Variants in LNX1 observed in about 807,000 individuals in gnomAD.
LNX1 encodes the protein E3 ubiquitin-protein ligase LNX.
LNX1 carries 54 observed loss-of-function variants against 68.4 expected under a neutral mutation model. The observed-to-expected ratio is 0.79, with a 90% CI of 0.63 to 0.99. The LOEUF (loss-of-function observed/expected upper bound fraction) is 0.99, where lower values mean the gene tolerates loss of function less well. Ranked by LOEUF, LNX1 falls within the 50% of genes least tolerant of loss-of-function variation. The pLI is 0.00. For missense variants in LNX1, 906 were observed against 926.4 expected (o/e 0.98, Z 0.29); for synonymous variants, 336 against 350.0 (o/e 0.96, Z 0.45).
intron 2 of LNX1, among the ~76,000 whole-genome samples, chr4:53,552,734 C>G (rs1729600399): frequency 6.8e-6 from 1 of 147,266 alleles, no homozygotes; most frequent in South Asian, 2.1e-4. Context: ...GAGGCTGAGA[C>G]AGGAGAATTG....
rs541174106 is a variant in LNX1 at position 53,553,562 on chromosome 4, C to T, written c.380+20061G>A. The stretch of plus-strand genomic sequence containing the variant: ...ATATAGGGCCAGAAAGATGAGAAGG[C>T]TGTTTCCATGCTCATGCCCATGATG... On this transcript the variant is annotated intron_variant, in intron 2 of 10. Transcript: ENST00000263925. Among the ~76,000 whole-genome samples the T allele has an allele frequency of 3.9e-5, 6 of 152,316 alleles. No homozygotes were observed. In the South Asian group the frequency reaches 1.2e-3, roughly 32 times the overall value.
chr4:53,643,888 A>T (rs1229111361), intron 1 of LNX1, among the ~76,000 whole-genome samples: 4 of 152,164 alleles, frequency 2.6e-5, no homozygotes, highest in African/African-American at 9.7e-5. Context: ...AGTGACAGTG[A>T]TTATTATTAT....
intron 6 of LNX1, among the ~76,000 whole-genome samples, chr4:53,493,037 T>G (rs1724812197): frequency 6.6e-6 from 1 of 152,116 alleles, no homozygotes; most frequent in Non-Finnish European, 1.5e-5. Context: ...TGGTGCGATC[T>G]TGGCTCACTG....
chr4:53,562,596 G>A (rs1178290179), intron 2 of LNX1, among the ~76,000 whole-genome samples: 1 of 152,194 alleles, frequency 6.6e-6, no homozygotes, highest in South Asian at 2.1e-4. Context: ...ACAGGCACCA[G>A]CTGTTTAAAG....
chr4:53,519,642 G>A (rs1258472994), intron 2 of LNX1, among the ~76,000 whole-genome samples: 1 of 99,358 alleles, frequency 1.0e-5, no homozygotes, highest in Admixed American at 1.2e-4. Flanking sequence ...TTTAAGCCCT[G>A]TGTCTGTCAA....
chr4:53,640,691 G>C (rs1349080536), intron 1 of LNX1, among the ~76,000 whole-genome samples: 1 of 152,188 alleles, frequency 6.6e-6, no homozygotes, highest in African/African-American at 2.4e-5. Flanking sequence ...AATTAAGACT[G>C]TGTTGTTATA....
intron 1 of LNX1, among the ~76,000 whole-genome samples, chr4:53,626,650 C>G (rs1202628784): frequency 6.6e-6 from 1 of 152,172 alleles, no homozygotes; most frequent in Non-Finnish European, 1.5e-5. Flanking sequence ...AAAGTTACAT[C>G]TCTTCTCATT....
intron 2 of LNX1, among the ~76,000 whole-genome samples, chr4:53,527,067 A>C (rs1277339264): frequency 6.6e-6 from 1 of 151,398 alleles, no homozygotes; most frequent in African/African-American, 2.4e-5. Flanking sequence ...AAAAAAAAAA[A>C]AAAAACTAGA....
chr4:53,474,715 C>A (rs1016044899), intron 9 of LNX1, among the ~76,000 whole-genome samples: 1 of 152,176 alleles, frequency 6.6e-6, no homozygotes, highest in Non-Finnish European at 1.5e-5. Context: ...GCCGGGATAT[C>A]ATGCTTCCTT....
intron 1 of LNX1, among the ~76,000 whole-genome samples, chr4:53,588,353 T>C (rs1283235031): frequency 6.6e-6 from 1 of 152,128 alleles, no homozygotes; most frequent in African/African-American, 2.4e-5. Flanking sequence ...TCCAAGCACT[T>C]TACACATTTC....
At chr4:53,568,453 A>C (rs559117624) in intron 2 of LNX1, among the ~76,000 whole-genome samples, 2 of 152,342 alleles carry the variant, frequency 1.3e-5, no homozygotes, top group East Asian at 3.9e-4. Flanking sequence ...ACAACCTTTC[A>C]TGCTAAAAAC....
chr4:53,490,902 A>G (rs529390482), intron 6 of LNX1, among the ~76,000 whole-genome samples: 1 of 152,232 alleles, frequency 6.6e-6, no homozygotes, highest in Non-Finnish European at 1.5e-5. Flanking sequence ...TTCTTTTTCA[A>G]CTAGCTTTGC....
In LNX1 at chr4:53,573,978, C is replaced by T. The variant is rs116744860; in HGVS notation, c.25G>A (p.Asp9Asn). 1.1e-3 allele frequency: 1,813 copies of T among 1,612,510 alleles called. 12 individuals carry two copies. In the African/African-American group the frequency reaches 0.021, roughly 18 times the overall value. Reference protein sequence around the residue: MNQPESANDPEPLCAVCGQ... With the variant: MNQPESANNPEPLCAVCGQ... ...CACACTGCACACAGGGGTTCAGGAT[C>T]GTTGGCAGACTCTGGCTGGTTCATG... Residue 9 changes from aspartate to asparagine, a missense_variant, in exon 2 of 11, where the codon GAT (aspartate) becomes AAT (asparagine). Transcript: ENST00000263925.
chr4:53,537,207 G>A (rs147574147), intron 2 of LNX1, among the ~76,000 whole-genome samples: 3 of 152,330 alleles, frequency 2.0e-5, no homozygotes, highest in Non-Finnish European at 2.9e-5. Flanking sequence ...TAACTTGCAC[G>A]AACATCTGAC....
chr4:53,603,902 G>A (rs1318836615), intron 2 of LNX1: 1 of 152,194 alleles, frequency 6.6e-6, no homozygotes, highest in East Asian at 1.9e-4. Flanking sequence ...GTCAGAGTCT[G>A]TTCTGATAGG....
chr4:53,630,093 T>G (rs1734213693), intron 1 of LNX1, among the ~76,000 whole-genome samples: 1 of 149,460 alleles, frequency 6.7e-6, no homozygotes, highest in African/African-American at 2.5e-5. Flanking sequence ...TAAAAAAAGG[T>G]GGGGGGGGCA....
Position 53,459,583 on chromosome 4 carries a change from C to A in LNX1, c.*1324G>T. Reference sequence around the variant, plus strand: ...TTAGTATGAAAAGTTAACTTTTTTTCCAAAATAAAAGAGTGAATTTTTCAT... The same window carrying A: ...TTAGTATGAAAAGTTAACTTTTTTTACAAAATAAAAGAGTGAATTTTTCAT... On this transcript the variant is annotated 3_prime_UTR_variant, in exon 11 of 11. Transcript: ENST00000263925. 5 of 1,322,222 alleles carry A rather than the reference C, an allele frequency of 3.8e-6. No homozygotes were observed. Among genetic ancestry groups the A allele is most frequent in the South Asian group, 1.3e-5 (1 of 74,848 alleles). 81.9% of individuals were successfully genotyped at this position (1,322,222 alleles called of 1,614,324 possible).
chr4:53,550,172 G>A (rs1729405079), intron 2 of LNX1, among the ~76,000 whole-genome samples: 1 of 152,178 alleles, frequency 6.6e-6, no homozygotes, highest in South Asian at 2.1e-4. Flanking sequence ...AATGAATGAG[G>A]GCCATGCGGC....
In LNX1 at chr4:53,460,180, T is replaced by TTGA. The variant is rs1721615874; in HGVS notation, c.*724_*726dup. 2 of 197,430 alleles carry TTGA rather than the reference T, an allele frequency of 1.0e-5. No homozygotes were observed. Among genetic ancestry groups the TTGA allele is most frequent in the East Asian group, 7.9e-5 (1 of 12,660 alleles). The allele number at this position is 197,430 out of a possible 1,614,324, so 12.2% of individuals were successfully genotyped here. A position where few individuals can be genotyped will look rare whatever the true frequency, so the allele number is the denominator to read the frequency against. On this transcript the variant is annotated 3_prime_UTR_variant, in exon 11 of 11. Coordinates refer to ENST00000263925, the MANE Select transcript of LNX1 (RefSeq NM_001126328.3). ...CCAGGGTCAAGCTGGTTTGGCCTTCTTGATGCATTTTCCAAGGCCCACTGG... is the reference window on the plus strand; with the variant it reads ...CCAGGGTCAAGCTGGTTTGGCCTTCTTGATGATGCATTTTCCAAGGCCCACTGG...
Sources: gnomAD v4.1 joint callset for allele counts (sites outside exome capture counted in the v4.1 genomes callset) on GRCh38, gnomAD v4.1.1 for gene constraint, MANE v1.5 for transcripts, NCBI Gene and HGNC (gene_info 2026-07-23, HGNC 2026-07-21) for gene names.